GPLD1: variants seen among roughly 807,000 people sequenced by gnomAD.
The protein encoded by GPLD1 is phosphatidylinositol-glycan-specific phospholipase D.
In GPLD1, 84 loss-of-function variants were observed where a neutral mutation model predicts 112.6. The observed-to-expected ratio is 0.75, with a 90% CI of 0.63 to 0.89. GPLD1 has a LOEUF of 0.89. Among genes scored for constraint, GPLD1 ranks in the 40% least tolerant of loss-of-function variants. GPLD1 has a pLI of 0.00. For missense variants in GPLD1, 1,044 were observed against 1,051.5 expected (o/e 0.99, Z 0.10); for synonymous variants, 386 against 403.8 (o/e 0.96, Z 0.53).
Position 24,467,195 on chromosome 6 carries a change from C to T in GPLD1, c.625G>A (p.Asp209Asn), listed in dbSNP as rs749383224. ...TCTAAGAACTGGATATGTGAACAAT[C>T]AACGATTACATTTTCGGTGATGACT... ...RKVITENVIV[D>N]CSHIQFLEMY... The change falls in exon 8 of 25, where the codon GAT becomes AAT. Residue 209 changes from aspartate (D) to asparagine (N), a missense_variant. By Grantham distance (23) the Asp-to-Asn change is conservative. Transcript: ENST00000230036. 2.5e-6 allele frequency: 4 copies of T among 1,601,026 alleles called. No homozygotes were observed. The Admixed American group carries it at 6.7e-5, about 27-fold the overall frequency.
At chr6:24,430,808 A>G (rs1031949145) in intron 24 of GPLD1, among the ~76,000 whole-genome samples, 1 of 152,190 alleles carries the variant, frequency 6.6e-6, no homozygotes, top group African/African-American at 2.4e-5. Context: ...AGAGCGTTCA[A>G]TGCCCCCAAG....
intron 10 of GPLD1, among the ~76,000 whole-genome samples, chr6:24,463,275 G>C (rs1332605456): frequency 6.6e-6 from 1 of 152,186 alleles, no homozygotes; most frequent in African/African-American, 2.4e-5. Context: ...GAACATAAGA[G>C]ATAAACTCTT....
chr6:24,425,673 T>A (rs946982954), downstream of GPLD1: 2 of 152,222 alleles, frequency 1.3e-5, no homozygotes, highest in African/African-American at 4.8e-5. Context: ...AAACACTGGG[T>A]TATGTGAGTG....
chr6:24,461,982 T>C (rs1581761830), intron 11 of GPLD1, among the ~76,000 whole-genome samples: 1 of 152,174 alleles, frequency 6.6e-6, no homozygotes, highest in African/African-American at 2.4e-5. Flanking sequence ...GCAGAAAATA[T>C]CATTTCTTAA....
chr6:24,432,525 T>TGGGAGG (rs1174686716), intron 24 of GPLD1, among the ~76,000 whole-genome samples: 2 of 151,888 alleles, frequency 1.3e-5, no homozygotes, highest in Admixed American at 6.6e-5. Context: ...CACTTGAACC[T>TGGGAGG]GGGAGGTGGA....
At chr6:24,491,253 C>T (rs1016583856), upstream of GPLD1, among the ~76,000 whole-genome samples, 4 of 152,144 alleles carry the variant, frequency 2.6e-5, no homozygotes, top group African/African-American at 7.2e-5. Flanking sequence ...ACAGACTGTG[C>T]GTGAGGGAGT....
rs1762243207 is a variant in GPLD1 at position 24,426,512 on chromosome 6, C to T, written c.*2520G>A. Among the ~76,000 whole-genome samples, 1 of 152,144 alleles carries T rather than the reference C, an allele frequency of 6.6e-6. No homozygotes were observed. Among genetic ancestry groups the T allele is most frequent in the Admixed American group, 6.5e-5 (1 of 15,272 alleles). On this transcript the variant is annotated 3_prime_UTR_variant, in exon 25 of 25. Transcript: ENST00000230036. ...TTCCATTTTTGTGGGTCTTAACCTC[C>T]ACCTGGTGCTTGCTATTGGGTGTAT...
chr6:24,494,445 C>T (rs932718890), upstream of GPLD1, among the ~76,000 whole-genome samples: 9 of 152,132 alleles, frequency 5.9e-5, no homozygotes, highest in African/African-American at 1.4e-4. Flanking sequence ...AACGCGGGGT[C>T]ACACTTCGAC....
At chr6:24,476,142 T>C in intron 4 of GPLD1, 39 bp downstream of exon 4, 1 of 1,109,864 alleles carries the variant, frequency 9.0e-7, no homozygotes, top group South Asian at 1.3e-5. Context: ...ATGGCAGGTT[T>C]GGTGCTAAAT....
intron 15 of GPLD1, among the ~76,000 whole-genome samples, chr6:24,448,435 A>T (rs1762981622): frequency 1.4e-5 from 2 of 145,682 alleles, no homozygotes; most frequent in African/African-American, 5.1e-5. Flanking sequence ...CTTTTAATTA[A>T]AGCGAGACCT....
At chr6:24,460,438 G>T (rs780628768) in intron 11 of GPLD1, 39 bp from the exon 12 acceptor site, 1 of 1,604,464 alleles carries the variant, frequency 6.2e-7, no homozygotes, top group South Asian at 1.1e-5. Context: ...TTACGACTGA[G>T]AAAACAACCC....
upstream of GPLD1, among the ~76,000 whole-genome samples, chr6:24,490,476 C>T (rs139121769): frequency 3.5e-3 from 526 of 152,206 alleles, 4 homozygotes; most frequent in South Asian, 0.029. Flanking sequence ...TTTGGCTGGG[C>T]GTGGCGGCCC....
chr6:24,486,884 T>C lies in GPLD1; in HGVS notation c.98-754A>G, dbSNP rs1360560401. 2.0e-5 allele frequency among the ~76,000 whole-genome samples: 3 copies of C among 151,910 alleles called. No individual in the cohort carries two copies. In the East Asian group the frequency reaches 5.8e-4, roughly 29 times the overall value. On this transcript the variant is annotated intron_variant, in intron 1 of 24. Coordinates refer to ENST00000230036, the MANE Select transcript of GPLD1 (RefSeq NM_001503.4). ...GAGGCAGACAAACCTAAGTACAAAA[T>C]ACAATATAACACCTAACCTATGGAC...
intron 17 of GPLD1, among the ~76,000 whole-genome samples, chr6:24,447,537 T>TAAC (rs369286624): frequency 1.3e-3 from 198 of 151,240 alleles, no homozygotes; most frequent in Middle Eastern, 3.4e-3. Flanking sequence ...AAAACAACAA[T>TAAC]AACAACAACA....
chr6:24,460,515 G>C, intron 11 of GPLD1, 116 bp from the exon 12 acceptor site: 2 of 1,045,100 alleles, frequency 1.9e-6, no homozygotes, highest in Non-Finnish European at 2.8e-6. Context: ...AAATTTTAAC[G>C]TCAGAAGGCT....
chr6:24,425,601 T>C (rs1762207721), downstream of GPLD1: 4 of 152,212 alleles, frequency 2.6e-5, no homozygotes, highest in Admixed American at 2.0e-4. Context: ...TGAAGTTCCT[T>C]GGTTTTAAAT....
At chr6:24,452,112 A>T (rs1054773340) in intron 14 of GPLD1, among the ~76,000 whole-genome samples, 26 of 152,208 alleles carry the variant, frequency 1.7e-4, no homozygotes, top group South Asian at 4.1e-4. Context: ...CATCTTTGAA[A>T]TGATCAAAGG....
intron 2 of GPLD1, among the ~76,000 whole-genome samples, chr6:24,481,398 G>A (rs946419338): frequency 2.0e-5 from 3 of 150,210 alleles, no homozygotes; most frequent in Non-Finnish European, 4.4e-5. Context: ...ATATATAGGT[G>A]CAACAAAGAA....
At chr6:24,464,345 C>T (rs2817248) in intron 10 of GPLD1, among the ~76,000 whole-genome samples, 137,278 of 152,200 alleles carry the variant, frequency 0.9, 62,668 homozygotes, top group African/African-American at 0.98. Context: ...GTGGCAGATC[C>T]CTTAAATTCT....
Sources: allele counts gnomAD v4.1 joint callset (sites outside exome capture counted in the v4.1 genomes callset), GRCh38; gene constraint gnomAD v4.1.1; transcripts MANE v1.5; gene names NCBI Gene and HGNC (gene_info 2026-07-23, HGNC 2026-07-21).